The following MACO1 variants were observed in gnomAD, a reference collection of about 807,000 sequenced individuals.
The protein encoded by MACO1 is macoilin 1, also known as macoilin.
MACO1 carries 14 observed loss-of-function variants against 78.7 expected under a neutral mutation model. The observed-to-expected ratio is 0.18, with a 90% CI of 0.12 to 0.28. MACO1 has a LOEUF of 0.28. Among genes scored for constraint, MACO1 ranks in the 10% least tolerant of loss-of-function variants. The probability of loss-of-function intolerance (pLI) is 1.00; values close to 1 mark genes in which losing one functional copy is unlikely to be tolerated. For synonymous variants in MACO1, 288 were observed against 291.6 expected (o/e 0.99, Z 0.12); for missense variants, 501 against 799.0 (o/e 0.63, Z 4.50).
chr1:25,474,215 A>C (rs2043299605), intron 6 of MACO1, among the ~76,000 whole-genome samples: 1 of 152,176 alleles, frequency 6.6e-6, no homozygotes, highest in Non-Finnish European at 1.5e-5. Context: ...GATGCTGAAA[A>C]TATCTTTACG....
At chr1:25,456,537 A>G in intron 4 of MACO1, 116 bp from the exon 5 acceptor site, 2 of 1,051,038 alleles carry the variant, frequency 1.9e-6, no homozygotes, top group Non-Finnish European at 2.8e-6. Flanking sequence ...CTTCTCAACT[A>G]CCATCATCAA....
At chr1:25,431,285 C>A in intron 1 of MACO1, 107 bp downstream of exon 1, 1 of 727,106 alleles carries the variant, frequency 1.4e-6, no homozygotes, top group Non-Finnish European at 2.0e-6. Flanking sequence ...ACGCCCGCGC[C>A]GGGGGCTCTC....
chr1:25,439,469 C>T (rs922326826), intron 1 of MACO1, among the ~76,000 whole-genome samples: 4 of 151,838 alleles, frequency 2.6e-5, no homozygotes, highest in African/African-American at 9.7e-5. Flanking sequence ...TGCACATGTA[C>T]GCGCGCGTGT....
chr1:25,461,811 C>G (rs568048040), intron 6 of MACO1, among the ~76,000 whole-genome samples: 1 of 152,200 alleles, frequency 6.6e-6, no homozygotes, highest in Admixed American at 6.5e-5. Context: ...GGGAAAATAA[C>G]CAAATTGTTA....
At chr1:25,456,270 A>T (rs1422486513) in intron 4 of MACO1, among the ~76,000 whole-genome samples, 1 of 152,106 alleles carries the variant, frequency 6.6e-6, no homozygotes, top group Non-Finnish European at 1.5e-5. Flanking sequence ...AAAAAAAAAA[A>T]AAAGGGTACA....
At chr1:25,437,957 A>T (rs561407604) in intron 1 of MACO1, among the ~76,000 whole-genome samples, 1 of 152,130 alleles carries the variant, frequency 6.6e-6, no homozygotes, top group Admixed American at 6.5e-5. Flanking sequence ...TGGTTAATAT[A>T]ATCCCAAAGT....
chr1:25,491,725 A>G (rs2043487957), intron 10 of MACO1, 141 bp downstream of exon 10: 1 of 640,394 alleles, frequency 1.6e-6, no homozygotes, highest in African/African-American at 1.8e-5. Flanking sequence ...CAACATTGAA[A>G]TATAGGAACC....
At chr1:25,439,653 C>T (rs1385195853) in intron 1 of MACO1, among the ~76,000 whole-genome samples, 1 of 151,460 alleles carries the variant, frequency 6.6e-6, no homozygotes, top group African/African-American at 2.4e-5. Flanking sequence ...TATGTTAAGG[C>T]TCACACACAA....
chr1:25,446,646 T>C (rs1273946923), intron 1 of MACO1, 116 bp from the exon 2 acceptor site: 2 of 1,028,306 alleles, frequency 1.9e-6, no homozygotes, highest in African/African-American at 3.2e-5. Flanking sequence ...TTATCTCCAT[T>C]GTTTTCATGA....
intron 3 of MACO1, among the ~76,000 whole-genome samples, chr1:25,449,759 C>T (rs1557661328): frequency 6.6e-6 from 1 of 152,222 alleles, no homozygotes; most frequent in South Asian, 2.1e-4. Context: ...TGGCTCACGC[C>T]TGTAATCCCA....
chr1:25,462,796 G>GTCTTTTA (rs143792502), intron 6 of MACO1, among the ~76,000 whole-genome samples: 8 of 151,512 alleles, frequency 5.3e-5, no homozygotes, highest in South Asian at 2.1e-4. Context: ...AAAAGGGCGG[G>GTCTTTTA]CAGTCTGGCA....
intron 8 of MACO1, among the ~76,000 whole-genome samples, chr1:25,488,078 A>G (rs1447283478): frequency 6.6e-6 from 1 of 152,120 alleles, no homozygotes; most frequent in African/African-American, 2.4e-5. Context: ...TTGAGACAGG[A>G]TATCATTCTG....
intron 6 of MACO1, among the ~76,000 whole-genome samples, chr1:25,477,575 GACAT>G (rs1204313558): frequency 6.6e-6 from 1 of 152,200 alleles, no homozygotes; most frequent in Non-Finnish European, 1.5e-5. Context: ...GCAGCCCACA[GACAT>G]ATATCTTTAG....
chr1:25,463,712 T>G (rs567639379), intron 6 of MACO1, among the ~76,000 whole-genome samples: 1 of 152,254 alleles, frequency 6.6e-6, no homozygotes, highest in African/African-American at 2.4e-5. Flanking sequence ...AAAAAATCAT[T>G]ACAATTTTAG....
At chr1:25,454,466 G>GTATATATATATATATATATATA (rs1182318467) in intron 4 of MACO1, 84 bp downstream of exon 4, 1 of 174,290 alleles carries the variant, frequency 5.7e-6, no homozygotes. Flanking sequence ...GTGTGTGTGT[G>GTATATATATATATATATATATA]TGTGTATATA....
intron 1 of MACO1, among the ~76,000 whole-genome samples, chr1:25,434,339 G>C (rs1203570533): frequency 1.3e-5 from 2 of 152,202 alleles, no homozygotes; most frequent in African/African-American, 4.8e-5. Flanking sequence ...TCGACATTCA[G>C]TGTTCAATAA....
chr1:25,431,282 C>T lies in MACO1; in HGVS notation c.80+104C>T, dbSNP rs1430419826. 6.1e-6 allele frequency: 5 copies of T among 820,672 alleles called. No individual in the cohort carries two copies. The African/African-American group carries it at 9.3e-5, about 15-fold the overall frequency. 50.8% of individuals were successfully genotyped at this position (820,672 alleles called of 1,614,324 possible). On this transcript the variant is annotated intron_variant, in intron 1 of 10. Transcript: ENST00000374343. ...TAACCCCGAGTAGGCCGCACGCCCGCGCCGGGGGCTCTCCTAAGGAGCGCT... is the reference window on the plus strand; with the variant it reads ...TAACCCCGAGTAGGCCGCACGCCCGTGCCGGGGGCTCTCCTAAGGAGCGCT...
chr1:25,479,737 T>C (rs565079916), intron 6 of MACO1, among the ~76,000 whole-genome samples: 2 of 152,310 alleles, frequency 1.3e-5, no homozygotes, highest in East Asian at 3.9e-4. Context: ...ACTCATGACA[T>C]ACATTTTTCT....
intron 3 of MACO1, among the ~76,000 whole-genome samples, chr1:25,452,699 T>C (rs1378998780): frequency 8.8e-6 from 1 of 113,962 alleles, no homozygotes; most frequent in African/African-American, 7.5e-5. Flanking sequence ...CGGTGAATTG[T>C]TTTTTTTTTT....
Sources: gnomAD v4.1 joint callset for allele counts (sites outside exome capture counted in the v4.1 genomes callset) on GRCh38, gnomAD v4.1.1 for gene constraint, MANE v1.5 for transcripts, NCBI Gene and HGNC (gene_info 2026-07-23, HGNC 2026-07-21) for gene names.